Variants in CEACAM3 observed in about 807,000 individuals in gnomAD.
CEACAM3 encodes the protein cell adhesion molecule CEACAM3.
In CEACAM3, 32 loss-of-function variants were observed where a neutral mutation model predicts 30.1. The ratio of observed to expected loss-of-function variants is 1.06; its 90% CI spans 0.80 to 1.43. CEACAM3 has a LOEUF of 1.43. Ranked by LOEUF, CEACAM3 falls within the 40% of genes most tolerant of loss-of-function variation. CEACAM3 has a pLI of 0.00. For missense variants in CEACAM3, 290 were observed against 316.3 expected, an observed-to-expected ratio of 0.92 and a Z score of 0.63; for synonymous variants, 134 against 127.2, an observed-to-expected ratio of 1.05 and a Z score of -0.36.
intron 2 of CEACAM3, among the ~76,000 whole-genome samples, chr19:41,800,326 G>A (rs2073135498): frequency 6.6e-6 from 1 of 152,152 alleles, no homozygotes; most frequent in South Asian, 2.1e-4. Context: ...CTAGCGCCTG[G>A]GAAGACGCCC....
At chr19:41,809,080 G>A (rs1331113561) in intron 3 of CEACAM3, 150 bp downstream of exon 3, 15 of 606,706 alleles carry the variant, frequency 2.5e-5, no homozygotes, top group South Asian at 9.8e-5. Flanking sequence ...CTCCTCCCTC[G>A]TCAGCTCCTG....
At chr19:41,807,391 T>G (rs1484040646) in intron 2 of CEACAM3, 1 of 1,593,118 alleles carries the variant, frequency 6.3e-7, no homozygotes, top group Non-Finnish European at 8.6e-7. Context: ...ATGTCCTCTG[T>G]ATCTTCTGTT....
intron 2 of CEACAM3, among the ~76,000 whole-genome samples, chr19:41,803,512 G>C (rs1356420659): frequency 6.8e-6 from 1 of 147,834 alleles, no homozygotes; most frequent in Non-Finnish European, 1.5e-5. Context: ...TGTACCCCAG[G>C]CTGGAGTGAA....
intron 2 of CEACAM3, chr19:41,807,272 G>T (rs555573137): frequency 1.0e-4 from 163 of 1,608,504 alleles, no homozygotes; most frequent in Non-Finnish European, 1.3e-4. Context: ...GCTGTCCAAT[G>T]ACAAGAGGAC....
chr19:41,803,461 G>C (rs55885625), intron 2 of CEACAM3, among the ~76,000 whole-genome samples: 5 of 74,150 alleles, frequency 6.7e-5, no homozygotes, highest in Admixed American at 1.5e-4. Context: ...TGTGTGTGTT[G>C]TTTTGTTTGT....
At chr19:41,810,159 C>A (rs1555827397) in intron 4 of CEACAM3, 142 bp downstream of exon 4, 5 of 1,265,748 alleles carry the variant, frequency 4.0e-6, no homozygotes, top group South Asian at 1.3e-5. Context: ...ACACAGGGGA[C>A]CCCAATTGCT....
At chr19:41,805,285 CTTTT>C (rs782317671) in intron 2 of CEACAM3, among the ~76,000 whole-genome samples, 17 of 105,030 alleles carry the variant, frequency 1.6e-4, no homozygotes, top group Non-Finnish European at 2.1e-4. Flanking sequence ...CTTTTTTCTT[CTTTT>C]TTTTTTTTTT....
At chr19:41,806,955 G>A (rs2073205815) in intron 2 of CEACAM3, among the ~76,000 whole-genome samples, 1 of 152,192 alleles carries the variant, frequency 6.6e-6, no homozygotes, top group Admixed American at 6.5e-5. Flanking sequence ...CCAAAGTGCT[G>A]GGATTACAGG....
In CEACAM3 at chr19:41,796,594, C is replaced by T. The variant is rs1346466026; in HGVS notation, c.-84C>T. Reference sequence around the variant, plus strand: ...CATGGAAAGAGGAAGGACAGCAGAGCCTAAGTCACAGTAGCCCTGACTACA... The same window carrying T: ...CATGGAAAGAGGAAGGACAGCAGAGTCTAAGTCACAGTAGCCCTGACTACA... On this transcript the variant is annotated 5_prime_UTR_variant, in exon 1 of 7. Transcript: ENST00000357396. 7.9e-6 allele frequency: 12 copies of T among 1,511,328 alleles called. No homozygotes were observed. The African/African-American group carries it at 9.6e-5, about 12-fold the overall frequency. 93.6% of individuals were successfully genotyped at this position (1,511,328 alleles called of 1,614,324 possible).
chr19:41,801,273 A>G (rs961184059), intron 2 of CEACAM3, among the ~76,000 whole-genome samples: 1 of 152,198 alleles, frequency 6.6e-6, no homozygotes, highest in Non-Finnish European at 1.5e-5. Context: ...AGGCACAGAA[A>G]TCAGCTGGAT....
At chr19:41,803,984 G>T (rs1300593433) in intron 2 of CEACAM3, among the ~76,000 whole-genome samples, 2 of 151,946 alleles carry the variant, frequency 1.3e-5, no homozygotes, top group Non-Finnish European at 2.9e-5. Flanking sequence ...AGGAGGCTGA[G>T]GCAAGAGAAT....
intron 2 of CEACAM3, among the ~76,000 whole-genome samples, chr19:41,803,917 T>TA (rs199565597): frequency 0.015 from 2,260 of 152,130 alleles, 64 homozygotes; most frequent in African/African-American, 0.051. Flanking sequence ...CTGTCTCTAC[T>TA]AAAAATACAA....
At chr19:41,802,324 T>C (rs782807969) in intron 2 of CEACAM3, among the ~76,000 whole-genome samples, 2 of 152,206 alleles carry the variant, frequency 1.3e-5, no homozygotes, top group Non-Finnish European at 2.9e-5. Context: ...CACTCAGTTA[T>C]AACAAGTATA....
intron 2 of CEACAM3, among the ~76,000 whole-genome samples, chr19:41,800,883 C>G (rs1371010392): frequency 2.6e-5 from 4 of 152,202 alleles, no homozygotes; most frequent in South Asian, 4.2e-4. Flanking sequence ...GTGATCCCCC[C>G]GGGGCCCAGC....
intron 2 of CEACAM3, among the ~76,000 whole-genome samples, chr19:41,800,700 T>C (rs1458320599): frequency 6.6e-6 from 1 of 152,148 alleles, no homozygotes; most frequent in East Asian, 1.9e-4. Flanking sequence ...TCTCTCTGCC[T>C]CATCTGCCAG....
Position 41,810,868 on chromosome 19 carries a change from A to T in CEACAM3, c.664A>T (p.Asn222Tyr). The T allele has an allele frequency of 6.2e-7, 1 of 1,613,418 alleles. No homozygotes were observed. Among genetic ancestry groups the T allele is most frequent in the South Asian group, 1.1e-5 (1 of 91,064 alleles). Residue 222 changes from asparagine (N) to tyrosine (Y), a missense_variant, in exon 6 of 7, where the codon AAC becomes TAC. Transcript: ENST00000357396. ...PLSTAQAPLPNPRTAASIYEE... is the reference protein window; with the variant it reads ...PLSTAQAPLPYPRTAASIYEE... ...CTCCACTGCCCAGGCCCCCCTACCC[A>T]ACCCCAGGACAGCAGCTTCCATCTA...
chr19:41,808,178 G>A (rs1399662991), intron 2 of CEACAM3, among the ~76,000 whole-genome samples: 3 of 152,142 alleles, frequency 2.0e-5, no homozygotes, highest in Non-Finnish European at 4.4e-5. Flanking sequence ...ACCTCTGCAG[G>A]ACCCCTCCTC....
chr19:41,805,356 A>T (rs1034592691), intron 2 of CEACAM3, among the ~76,000 whole-genome samples: 1 of 129,568 alleles, frequency 7.7e-6, no homozygotes, highest in East Asian at 2.3e-4. Flanking sequence ...CAATGGTGTG[A>T]TCTTGGCTCA....
At chr19:41,810,175 C>A in intron 4 of CEACAM3, 148 bp from the exon 5 acceptor site, 1 of 1,260,568 alleles carries the variant, frequency 7.9e-7, no homozygotes, top group Non-Finnish European at 1.1e-6. Flanking sequence ...TTGCTTGGGT[C>A]AGCCCTCACC....
Sources: gnomAD v4.1 joint callset for allele counts (sites outside exome capture counted in the v4.1 genomes callset) on GRCh38, gnomAD v4.1.1 for gene constraint, MANE v1.5 for transcripts, NCBI Gene and HGNC (gene_info 2026-07-23, HGNC 2026-07-21) for gene names.